TANC2: variants seen among roughly 807,000 people sequenced by gnomAD.
TANC2 encodes protein TANC2.
TANC2 carries 26 observed loss-of-function variants against 210.5 expected under a neutral mutation model. The ratio of observed to expected loss-of-function variants is 0.12; its 90% confidence interval spans 0.09 to 0.17. TANC2 has a LOEUF of 0.17. TANC2 is among the 10% of genes least tolerant of loss of function. The pLI, the probability that TANC2 is intolerant of heterozygous loss-of-function variation, is 1.00. For synonymous variants in TANC2, 931 were observed against 967.1 expected (o/e 0.96, Z 0.69); for missense variants, 2,129 against 2,608.9 (o/e 0.82, Z 4.01).
intron 5 of TANC2, among the ~76,000 whole-genome samples, chr17:63,184,174 G>A (rs1029483687): frequency 1.6e-4 from 24 of 152,158 alleles, no homozygotes; most frequent in Non-Finnish European, 3.1e-4. Context: ...GTCTTTATAA[G>A]ACAGGAACTT....
intron 9 of TANC2, among the ~76,000 whole-genome samples, chr17:63,268,452 T>A (rs1327762801): frequency 2.0e-5 from 3 of 152,196 alleles, no homozygotes; most frequent in Non-Finnish European, 4.4e-5. Context: ...ATGAAACATA[T>A]GAATTTCTTG....
intron 3 of TANC2, among the ~76,000 whole-genome samples, chr17:63,086,029 G>GT (rs915652997): frequency 1.6e-3 from 227 of 144,392 alleles, no homozygotes; most frequent in Middle Eastern, 7.0e-3. Flanking sequence ...TTCTAGGTTT[G>GT]TTTTTTTTTT....
intron 4 of TANC2, among the ~76,000 whole-genome samples, chr17:63,125,662 C>T (rs2038681039): frequency 6.6e-6 from 1 of 152,106 alleles, no homozygotes; most frequent in Non-Finnish European, 1.5e-5. Flanking sequence ...GAACTGGTTT[C>T]ATATTCAGTC....
chr17:63,359,848 G>A (rs985418866), intron 14 of TANC2, among the ~76,000 whole-genome samples: 4 of 152,146 alleles, frequency 2.6e-5, no homozygotes, highest in Non-Finnish European at 5.9e-5. Context: ...GGGAAAAGGC[G>A]ACACAAATCC....
At chr17:63,148,605 T>C (rs1279208252) in intron 4 of TANC2, 3 of 152,192 alleles carry the variant, frequency 2.0e-5, no homozygotes, top group African/African-American at 4.8e-5. Context: ...CAATCACTTA[T>C]TTGTGCAGTA....
chr17:63,216,579 C>T (rs1404676923), intron 7 of TANC2, among the ~76,000 whole-genome samples: 1 of 152,098 alleles, frequency 6.6e-6, no homozygotes, highest in East Asian at 1.9e-4. Context: ...AAAGTGAGGA[C>T]AGCCTTGTGG....
At chr17:62,997,976 A>G (rs1330443075) in intron 1 of TANC2, among the ~76,000 whole-genome samples, 3 of 152,232 alleles carry the variant, frequency 2.0e-5, no homozygotes, top group East Asian at 3.8e-4. Context: ...AATGAAGATC[A>G]TTGAGATTCA....
chr17:63,398,695 AT>A, intron 18 of TANC2, 125 bp from the exon 19 acceptor site: 1 of 585,878 alleles, frequency 1.7e-6, no homozygotes, highest in Non-Finnish European at 3.0e-6. Flanking sequence ...GTCAATTCTG[AT>A]TCCTTTTGTG....
At chr17:63,174,604 T>C (rs981650507) in intron 5 of TANC2, among the ~76,000 whole-genome samples, 9 of 152,210 alleles carry the variant, frequency 5.9e-5, no homozygotes, top group Middle Eastern at 6.3e-3. Flanking sequence ...GTAACCTGCT[T>C]TGATATGTCA....
At position 63,412,274 on chromosome 17, in the gene TANC2, T is replaced by A; in HGVS notation, c.3898+144T>A. ...TTATTGTCCAAGTGAACAGAGAGGC[T>A]CTTGGCCCAGGGAAAGCGCCATCTG... On this transcript the variant is annotated intron_variant, in intron 23 of 27. Transcript: ENST00000689528. This position sits in a 1 kb window ranked among gnomAD's most constrained non-coding sequence, Gnocchi z 4.2. The A allele has an allele frequency of 8.0e-7, 1 of 1,247,718 alleles. No individual in the cohort carries two copies. The allele number at this position is 1,247,718 out of a possible 1,614,324, so 77.3% of individuals were successfully genotyped here. A position where few individuals can be genotyped will look rare whatever the true frequency, so the allele number is the denominator to read the frequency against.
intron 21 of TANC2, among the ~76,000 whole-genome samples, chr17:63,409,710 A>G (rs2048630879): frequency 6.6e-6 from 1 of 152,182 alleles, no homozygotes; most frequent in South Asian, 2.1e-4. Flanking sequence ...AAACCTGTAC[A>G]GCGTATTAAC....
rs201000711 is a variant in TANC2 at position 63,095,003 on chromosome 17, C to CT, written c.140-4162dup. ...AAATTGGATTCCTCCCCCGCCCCGC[C>CT]TTTTTTTTTTAACTTCATGTTATAA... On this transcript the variant is annotated intron_variant, in intron 3 of 27. Coordinates refer to ENST00000689528, the Ensembl canonical transcript of TANC2. Among the ~76,000 whole-genome samples the CT allele has an allele frequency of 2.2e-3, 325 of 148,158 alleles. 3 individuals are homozygous for CT. Among genetic ancestry groups the CT allele is most frequent in the Middle Eastern group, 3.5e-3 (1 of 286 alleles).
intron 9 of TANC2, among the ~76,000 whole-genome samples, chr17:63,309,972 A>G (rs1255225083): frequency 6.8e-5 from 2 of 29,502 alleles, no homozygotes; most frequent in African/African-American, 1.0e-3. Flanking sequence ...CTTTGGGGGA[A>G]AAAAAAAAGT....
intron 21 of TANC2, among the ~76,000 whole-genome samples, chr17:63,406,876 A>G (rs2048526515): frequency 6.6e-6 from 1 of 152,206 alleles, no homozygotes; most frequent in African/African-American, 2.4e-5. Context: ...GCTGCTGATG[A>G]TGGACCTCTG....
intron 9 of TANC2, among the ~76,000 whole-genome samples, chr17:63,269,971 C>T (rs943352363): frequency 2.0e-5 from 3 of 152,100 alleles, no homozygotes; most frequent in African/African-American, 7.2e-5. Flanking sequence ...AATACTTAGG[C>T]TGGAGTTTGT....
chr17:63,246,040 G>A (rs971151603), intron 8 of TANC2, among the ~76,000 whole-genome samples: 1 of 151,502 alleles, frequency 6.6e-6, no homozygotes, highest in Non-Finnish European at 1.5e-5. Context: ...ATGTATGTAG[G>A]CCTGTTGTCT....
At position 63,001,620 on chromosome 17, in the gene TANC2, C is replaced by T. The variant is rs148856401; in HGVS notation, c.-23-7917C>T. On this transcript the variant is annotated intron_variant, in intron 1 of 27. Coordinates refer to ENST00000689528, the Ensembl canonical transcript of TANC2. ...CAGGCTGGAGTCCTCTGGCAGCTCGCTGCACCCTTTGCCATCCGGGTTCAA... is the reference window on the plus strand; with the variant it reads ...CAGGCTGGAGTCCTCTGGCAGCTCGTTGCACCCTTTGCCATCCGGGTTCAA... Among the ~76,000 whole-genome samples, 519 of 150,534 alleles carry T rather than the reference C, an allele frequency of 3.4e-3. 6 individuals are homozygous for T. The highest frequency in any genetic ancestry group is 0.012 in the African/African-American group (501 of 40,918).
At chr17:63,294,501 C>T (rs2044475971) in intron 9 of TANC2, among the ~76,000 whole-genome samples, 1 of 151,982 alleles carries the variant, frequency 6.6e-6, no homozygotes, top group Non-Finnish European at 1.5e-5. Context: ...AAAGAAACTG[C>T]CTTCCCAAGT....
At chr17:63,354,143 T>A (rs2046709761) in intron 13 of TANC2, among the ~76,000 whole-genome samples, 1 of 152,028 alleles carries the variant, frequency 6.6e-6, no homozygotes. Flanking sequence ...TAAGAAAGGA[T>A]GGAATCCAGT....
Sources: allele counts gnomAD v4.1 joint callset (sites outside exome capture counted in the v4.1 genomes callset), GRCh38; gene constraint gnomAD v4.1.1; non-coding constraint Gnocchi (gnomAD v3.1); transcripts MANE v1.5; gene names NCBI Gene and HGNC (gene_info 2026-07-23, HGNC 2026-07-21).